Variants in ATP5MC1 observed in about 807,000 individuals in gnomAD.
ATP5MC1 encodes ATP synthase F(0) complex subunit C1, mitochondrial.
A neutral mutation model predicts 12.1 loss-of-function variants in ATP5MC1; 4 were observed. The ratio of observed to expected loss-of-function variants is 0.33; its 90% CI spans 0.16 to 0.76. The LOEUF (loss-of-function observed/expected upper bound fraction) is 0.76, where lower values mean the gene tolerates loss of function less well. Ranked by LOEUF, ATP5MC1 falls within the 30% of genes least tolerant of loss-of-function variation. The probability of loss-of-function intolerance (pLI) is 0.61; values close to 1 mark genes in which losing one functional copy is unlikely to be tolerated. For synonymous variants in ATP5MC1, 52 were observed against 66.0 expected (o/e 0.79, Z 1.03); for missense variants, 117 against 172.1 (o/e 0.68, Z 1.79).
intron 4 of ATP5MC1, 60 bp downstream of exon 4, chr17:48,895,394 T>C: frequency 6.5e-7 from 1 of 1,532,742 alleles, no homozygotes; most frequent in Non-Finnish European, 8.8e-7. Flanking sequence ...TGGGGAAGCC[T>C]CAGCTGGAGG....
chr17:48,893,451 G>C lies in ATP5MC1; in HGVS notation c.34G>C (p.Ala12Pro). Reference sequence around the variant, plus strand: ...CGCCGGGGCATTATTCATTTCTCCAGCTCTGGTAAGGTGCCGCGCCGCAGT... The same window carrying C: ...CGCCGGGGCATTATTCATTTCTCCACCTCTGGTAAGGTGCCGCGCCGCAGT... ...QTAGALFISP[A>P]LIRCCTRGLI... is the part of the protein sequence containing the mutation. The change falls in exon 2 of 5, where the codon GCT (alanine) becomes CCT (proline). Residue 12 changes from alanine (A) to proline (P), a missense_variant. By Grantham distance (27) the Ala-to-Pro change is conservative. Transcript: ENST00000393366. The C allele has an allele frequency of 3.1e-6, 5 of 1,613,992 alleles. No homozygotes were observed. Among genetic ancestry groups the C allele is most frequent in the Non-Finnish European group, 4.2e-6 (5 of 1,180,022 alleles).
chr17:48,894,986 T>C, intron 3 of ATP5MC1, 170 bp from the exon 4 acceptor site: 1 of 805,980 alleles, frequency 1.2e-6, no homozygotes, highest in Non-Finnish European at 2.1e-6. Context: ...GACAACAGAC[T>C]CTAAGACTAA....
intron 2 of ATP5MC1, chr17:48,893,723 A>T: frequency 1.8e-6 from 1 of 547,028 alleles, no homozygotes; most frequent in Non-Finnish European, 3.3e-6. Context: ...AGTGGTTTTC[A>T]ACAGTGGCTG....
At chr17:48,894,971 T>C in intron 3 of ATP5MC1, 185 bp from the exon 4 acceptor site, 2 of 748,692 alleles carry the variant, frequency 2.7e-6, no homozygotes, top group Non-Finnish European at 4.6e-6. Flanking sequence ...TCCTGTCTGC[T>C]GTCTGACAAC....
chr17:48,894,035 A>G, intron 2 of ATP5MC1: 2 of 251,350 alleles, frequency 8.0e-6, no homozygotes, highest in Admixed American at 5.1e-5. Flanking sequence ...AATTTCCCCC[A>G]TCTGATTACT....
At chr17:48,895,555 T>A in intron 4 of ATP5MC1, 100 bp from the exon 5 acceptor site, 1 of 1,330,408 alleles carries the variant, frequency 7.5e-7, no homozygotes, top group Non-Finnish European at 1.1e-6. Context: ...CTAGGCCCTC[T>A]CCCAGGAGTA....
rs771007590 is a variant in ATP5MC1 at position 48,895,164 on chromosome 17, C to T, written c.126C>T (p.Tyr42=). The change falls in exon 4 of 5, where the codon TAC becomes TAT. Residue 42 remains tyrosine (Y), a synonymous_variant. Transcript: ENST00000393366. The part of the protein sequence containing the change: ...SPVNSSKQPS[Y]SNFPLQVARR... ...CTTGCTTCTCTTTCTAGCCTTCCTA[C>T]AGCAACTTCCCACTCCAGGTGGCCA... 1.2e-5 allele frequency: 20 copies of T among 1,604,272 alleles called. No individual in the cohort carries two copies. In the South Asian group the frequency reaches 1.8e-4, roughly 14 times the overall value.
intron 1 of ATP5MC1, 91 bp from the exon 2 acceptor site, chr17:48,893,318 G>C: frequency 6.7e-6 from 9 of 1,347,556 alleles, no homozygotes; most frequent in Non-Finnish European, 9.3e-6. Flanking sequence ...GAGGACGGAC[G>C]GGGGTGAAGG....
chr17:48,893,488 C>T, intron 2 of ATP5MC1, 32 bp downstream of exon 2: 15 of 1,611,994 alleles, frequency 9.3e-6, no homozygotes, highest in Non-Finnish European at 1.3e-5. Context: ...CTCTGTAGTA[C>T]CAGGTGTATG....
At chr17:48,893,333 G>T in intron 1 of ATP5MC1, 76 bp from the exon 2 acceptor site, 2 of 1,511,608 alleles carry the variant, frequency 1.3e-6, no homozygotes, top group South Asian at 2.4e-5. Flanking sequence ...TGAAGGGGAC[G>T]ACCAAAGGTC....
At position 48,893,081 on chromosome 17, in the gene ATP5MC1, G is replaced by A. The variant is rs576090676; in HGVS notation, c.-10+171G>A. The A allele has an allele frequency of 1.7e-3, 617 of 361,256 alleles. 5 individuals are homozygous for A. Among genetic ancestry groups the A allele is most frequent in the African/African-American group, 0.012 (586 of 48,072 alleles). The allele number at this position is 361,256 out of a possible 1,614,324, so 22.4% of individuals were successfully genotyped here. ...GACTGCCTCGGCTGGGGCGGGTCGG[G>A]GACTGCTGTGTAAGATGGGCAGGAT... is the stretch of plus-strand genomic sequence containing the variant. On this transcript the variant is annotated intron_variant, in intron 1 of 4. Coordinates refer to ENST00000393366, the MANE Select transcript of ATP5MC1 (RefSeq NM_005175.3).
At chr17:48,893,108 C>G in intron 1 of ATP5MC1, 198 bp downstream of exon 1, 3 of 423,094 alleles carry the variant, frequency 7.1e-6, no homozygotes, top group Non-Finnish European at 1.3e-5. Context: ...GGGCAGGATC[C>G]TGCGCGACAC....
intron 3 of ATP5MC1, 95 bp from the exon 4 acceptor site, chr17:48,895,061 G>A: frequency 6.9e-7 from 1 of 1,442,220 alleles, no homozygotes; most frequent in Non-Finnish European, 9.5e-7. Context: ...CAGTTTCAGA[G>A]CTCAGGTGGG....
chr17:48,894,721 A>T (rs927046364), intron 3 of ATP5MC1: 7 of 514,670 alleles, frequency 1.4e-5, no homozygotes, highest in Non-Finnish European at 2.5e-5. Context: ...TGACTATGCC[A>T]CTGCACTCCA....
At chr17:48,894,234 T>C in intron 2 of ATP5MC1, 138 bp from the exon 3 acceptor site, 1 of 827,764 alleles carries the variant, frequency 1.2e-6, no homozygotes. Context: ...GCCTATCTGA[T>C]AGGAACAGGA....
chr17:48,893,440 T>C lies in ATP5MC1; in HGVS notation c.23T>C (p.Phe8Ser). MQTAGAL[F>S]ISPALIRCCT... ...AAAATGCAGACCGCCGGGGCATTAT[T>C]CATTTCTCCAGCTCTGGTAAGGTGC... The change falls in exon 2 of 5, where the codon TTC becomes TCC. Residue 8 changes from phenylalanine (F) to serine (S), a missense_variant. Transcript: ENST00000393366. 6.2e-7 allele frequency: 1 copy of C among 1,614,058 alleles called. No homozygotes were observed. Among genetic ancestry groups the C allele is most frequent in the Non-Finnish European group, 8.5e-7 (1 of 1,180,022 alleles).
rs760225020 is a variant in ATP5MC1 at position 48,895,341 on chromosome 17, T to C, written c.296+7T>C. The C allele has an allele frequency of 1.9e-6, 3 of 1,580,864 alleles. No homozygotes were observed. Among genetic ancestry groups the C allele is most frequent in the East Asian group, 2.3e-5 (1 of 44,196 alleles). ...TGATCATTGGCTATGCCAGGTAAGT[T>C]TGGGTGGTCTACAGCATCTCCCACT... On this transcript the variant is annotated splice_region_variant and intron_variant, in intron 4 of 4. Coordinates refer to ENST00000393366, the MANE Select transcript of ATP5MC1 (RefSeq NM_005175.3).
intron 4 of ATP5MC1, 74 bp from the exon 5 acceptor site, chr17:48,895,581 C>A: frequency 1.4e-6 from 2 of 1,409,330 alleles, no homozygotes; most frequent in Non-Finnish European, 2.0e-6. Context: ...CCCCATTCAC[C>A]TCACCCTCCT....
At chr17:48,894,179 A>C (rs1399320569) in intron 2 of ATP5MC1, 193 bp from the exon 3 acceptor site, 3 of 561,006 alleles carry the variant, frequency 5.3e-6, no homozygotes, top group Non-Finnish European at 6.4e-6. Flanking sequence ...GAAGGTTGCC[A>C]CTGCTGACTA....
Sources: gnomAD v4.1 joint callset for allele counts on GRCh38, gnomAD v4.1.1 for gene constraint, MANE v1.5 for transcripts, NCBI Gene and HGNC (gene_info 2026-07-23, HGNC 2026-07-21) for gene names.